The following AKAP19 variants were observed in gnomAD, a reference collection of about 807,000 sequenced individuals.
AKAP19 encodes small A-kinase anchoring protein.
At chr2:189,983,606 T>C in the AKAP19 span, among the ~76,000 whole-genome samples, 1 of 152,246 alleles carries the variant, frequency 6.6e-6, no homozygotes, top group South Asian at 2.1e-4. Flanking sequence ...ACTTCAATGA[T>C]TGGTGCTGCA....
At chr2:190,079,033 T>G in the AKAP19 span, among the ~76,000 whole-genome samples, 1 of 152,240 alleles carries the variant, frequency 6.6e-6, no homozygotes, top group African/African-American at 2.4e-5. Flanking sequence ...TGTATGCTTT[T>G]TCCATAGATA....
chr2:190,199,868 G>C, the AKAP19 span: 306 of 1,613,530 alleles, frequency 1.9e-4, 1 homozygote, highest in Admixed American at 3.8e-4. Flanking sequence ...AACATGGGCT[G>C]CATGAAATCA....
the AKAP19 span, among the ~76,000 whole-genome samples, chr2:190,045,143 A>G: frequency 3.9e-5 from 6 of 152,066 alleles, no homozygotes; most frequent in African/African-American, 1.4e-4. Flanking sequence ...CAGCCAGAGG[A>G]CACTGGCAGG....
At chr2:189,919,695 C>T in the AKAP19 span, among the ~76,000 whole-genome samples, 1 of 152,182 alleles carries the variant, frequency 6.6e-6, no homozygotes, top group Non-Finnish European at 1.5e-5. Context: ...CCAGCTTCAT[C>T]CATGCCCCTG....
At chr2:189,927,160 C>G in the AKAP19 span, among the ~76,000 whole-genome samples, 1 of 152,116 alleles carries the variant, frequency 6.6e-6, no homozygotes, top group African/African-American at 2.4e-5. Flanking sequence ...TCCCAAAGTA[C>G]TGGGATTACA....
chr2:189,931,168 C>T, the AKAP19 span, among the ~76,000 whole-genome samples: 1 of 152,102 alleles, frequency 6.6e-6, no homozygotes, highest in Non-Finnish European at 1.5e-5. Flanking sequence ...GATGATGACT[C>T]TTACTTGAAA....
At chr2:190,191,051 CTT>C in the AKAP19 span, among the ~76,000 whole-genome samples, 1 of 152,146 alleles carries the variant, frequency 6.6e-6, no homozygotes, top group South Asian at 2.1e-4. Context: ...ATCAGCATGC[CTT>C]TGAGTCATCC....
the AKAP19 span, chr2:189,931,149 G>A: frequency 9.2e-6 from 3 of 325,286 alleles, no homozygotes; most frequent in Non-Finnish European, 1.7e-5. Context: ...ACTAGTTTTA[G>A]CATCTACTGA....
At chr2:190,024,382 A>G in the AKAP19 span, among the ~76,000 whole-genome samples, 157 of 138,998 alleles carry the variant, frequency 1.1e-3, 2 homozygotes, top group South Asian at 0.016. Flanking sequence ...ATGTGTGTGT[A>G]TATATATATA....
chr2:189,945,706 T>C, the AKAP19 span, among the ~76,000 whole-genome samples: 1 of 152,218 alleles, frequency 6.6e-6, no homozygotes, highest in East Asian at 1.9e-4. Flanking sequence ...CATTCAAATA[T>C]GTTATTATCA....
the AKAP19 span, among the ~76,000 whole-genome samples, chr2:190,107,367 G>A: frequency 6.6e-6 from 1 of 151,954 alleles, no homozygotes; most frequent in African/African-American, 2.4e-5. Flanking sequence ...AGAACATCTG[G>A]TACAAAATAG....
At chr2:190,162,506 A>G in the AKAP19 span, among the ~76,000 whole-genome samples, 73 of 152,302 alleles carry the variant, frequency 4.8e-4, no homozygotes, top group African/African-American at 1.7e-3. Flanking sequence ...AAACAATACC[A>G]TGCTTCTCAC....
At chr2:190,069,106 G>C in the AKAP19 span, among the ~76,000 whole-genome samples, 3 of 149,808 alleles carry the variant, frequency 2.0e-5, no homozygotes, top group East Asian at 5.9e-4. Flanking sequence ...TAGAAAAGAA[G>C]TCTCAAAAGG....
At chr2:189,975,203 TTG>T in the AKAP19 span, among the ~76,000 whole-genome samples, 8 of 152,208 alleles carry the variant, frequency 5.3e-5, no homozygotes, top group African/African-American at 1.9e-4. Context: ...CAGCATTTGC[TTG>T]TGTGTAAAGG....
the AKAP19 span, among the ~76,000 whole-genome samples, chr2:190,095,971 CA>C: frequency 2.0e-5 from 3 of 152,102 alleles, no homozygotes; most frequent in Non-Finnish European, 4.4e-5. Flanking sequence ...GCCCACAGGA[CA>C]GACTGAAACC....
At chr2:190,183,075 G>A in the AKAP19 span, among the ~76,000 whole-genome samples, 2 of 152,174 alleles carry the variant, frequency 1.3e-5, no homozygotes, top group African/African-American at 2.4e-5. Flanking sequence ...TACTGTGACC[G>A]TGGTACCTCT....
chr2:189,944,226 A>T, the AKAP19 span, among the ~76,000 whole-genome samples: 1 of 152,230 alleles, frequency 6.6e-6, no homozygotes, highest in Admixed American at 6.5e-5. Flanking sequence ...TGTTTGGCTC[A>T]TAGGGGTGGA....
chr2:190,051,596 G>A, the AKAP19 span, among the ~76,000 whole-genome samples: 1 of 152,142 alleles, frequency 6.6e-6, no homozygotes, highest in African/African-American at 2.4e-5. Flanking sequence ...TCAGTCACAG[G>A]TATGCACTCT....
the AKAP19 span, among the ~76,000 whole-genome samples, chr2:190,066,831 G>A: frequency 6.6e-6 from 1 of 152,250 alleles, no homozygotes; most frequent in East Asian, 1.9e-4. Flanking sequence ...GTGAATTCAT[G>A]TATTAGTTTA....
Sources: allele counts gnomAD v4.1 joint callset (sites outside exome capture counted in the v4.1 genomes callset), GRCh38; gene constraint gnomAD v4.1.1; transcripts MANE v1.5; gene names NCBI Gene and HGNC (gene_info 2026-07-23, HGNC 2026-07-21).